Variants in RAPGEF5 observed in about 807,000 individuals in gnomAD.
The protein encoded by RAPGEF5 is M-Ras-regulated GEF.
In RAPGEF5, 65 loss-of-function variants were observed where a neutral mutation model predicts 125.2. The ratio of observed to expected loss-of-function variants is 0.52; its 90% confidence interval spans 0.43 to 0.64. The LOEUF (loss-of-function observed/expected upper bound fraction) is 0.64, where lower values mean the gene tolerates loss of function less well. Ranked by LOEUF, RAPGEF5 falls within the 30% of genes least tolerant of loss-of-function variation. The pLI is 0.00. For synonymous variants in RAPGEF5, 391 were observed against 385.9 expected, an observed-to-expected ratio of 1.01 and a Z score of -0.16; for missense variants, 958 against 1,048.1, an observed-to-expected ratio of 0.91 and a Z score of 1.19.
At chr7:22,282,986 T>C (rs531600420) in intron 6 of RAPGEF5, among the ~76,000 whole-genome samples, 2 of 151,406 alleles carry the variant, frequency 1.3e-5, no homozygotes, top group South Asian at 4.2e-4. Context: ...ATAAAAAGTA[T>C]AGAACACAAA....
chr7:22,262,612 C>CA (rs1448613531), intron 7 of RAPGEF5, among the ~76,000 whole-genome samples: 1 of 152,042 alleles, frequency 6.6e-6, no homozygotes, highest in East Asian at 1.9e-4. Flanking sequence ...CTCACATATA[C>CA]AAAAAACCCT....
chr7:22,213,793 C>T lies in RAPGEF5; in HGVS notation c.996+6073G>A, dbSNP rs562149302. ...AGTAATGTTAGAAAGTTCTACTTCT[C>T]TTTAGTAAGTAGTTTCTTGGTTAAA... On this transcript the variant is annotated intron_variant, in intron 9 of 25. Transcript: ENST00000665637. Among the ~76,000 whole-genome samples the T allele has an allele frequency of 1.2e-4, 19 of 152,306 alleles. No individual in the cohort carries two copies. The South Asian group carries it at 3.9e-3, about 32-fold the overall frequency.
At chr7:22,335,009 C>A (rs1242720233) in intron 1 of RAPGEF5, among the ~76,000 whole-genome samples, 1 of 152,180 alleles carries the variant, frequency 6.6e-6, no homozygotes, top group African/African-American at 2.4e-5. Flanking sequence ...CAGATTCAGT[C>A]CCGAATCCAG....
At chr7:22,123,011 A>G (rs1166560589) in intron 25 of RAPGEF5, among the ~76,000 whole-genome samples, 1 of 152,214 alleles carries the variant, frequency 6.6e-6, no homozygotes, top group East Asian at 1.9e-4. Flanking sequence ...TGTTGTTTAG[A>G]TTTTGTACAA....
chr7:22,172,130 G>A (rs1036788769), intron 11 of RAPGEF5, among the ~76,000 whole-genome samples: 4 of 151,732 alleles, frequency 2.6e-5, no homozygotes, highest in Non-Finnish European at 2.9e-5. Context: ...TAATTTTTGG[G>A]GGTTTTTTTT....
chr7:22,158,614 T>A (rs532009784), intron 14 of RAPGEF5, among the ~76,000 whole-genome samples: 1 of 152,142 alleles, frequency 6.6e-6, no homozygotes, highest in Non-Finnish European at 1.5e-5. Flanking sequence ...CATAATCTTA[T>A]AAAAATAGAC....
At chr7:22,219,750 A>G (rs1785733577) in intron 9 of RAPGEF5, 116 bp downstream of exon 9, 2 of 1,375,266 alleles carry the variant, frequency 1.5e-6, no homozygotes, top group African/African-American at 1.4e-5. Flanking sequence ...TGGGGGGAAA[A>G]AAACCCCCAA....
intron 1 of RAPGEF5, among the ~76,000 whole-genome samples, chr7:22,326,297 C>T (rs561669189): frequency 2.0e-5 from 3 of 152,280 alleles, no homozygotes; most frequent in East Asian, 1.9e-4. Context: ...TTCCTCTAAA[C>T]GATGTGAGAC....
chr7:22,226,742 C>T (rs748610397), intron 8 of RAPGEF5, among the ~76,000 whole-genome samples: 2 of 152,148 alleles, frequency 1.3e-5, no homozygotes, highest in African/African-American at 4.8e-5. Flanking sequence ...TAATTCCTAG[C>T]CCGTCACTGT....
chr7:22,238,922 T>C (rs770625724), intron 7 of RAPGEF5, among the ~76,000 whole-genome samples: 4 of 152,194 alleles, frequency 2.6e-5, no homozygotes, highest in Non-Finnish European at 5.9e-5. Flanking sequence ...TGTACCAATA[T>C]GTTTTAAAGA....
intron 16 of RAPGEF5, among the ~76,000 whole-genome samples, chr7:22,156,334 C>T (rs75463455): frequency 0.023 from 3,564 of 152,344 alleles, 53 homozygotes; most frequent in Middle Eastern, 0.065. Context: ...ACTGCCCACA[C>T]AGCCTGGCCT....
intron 11 of RAPGEF5, among the ~76,000 whole-genome samples, chr7:22,187,061 C>T (rs567637734): frequency 3.3e-5 from 5 of 152,294 alleles, no homozygotes; most frequent in Non-Finnish European, 5.9e-5. Context: ...CTTAATACCC[C>T]GTTAACATTC....
At chr7:22,338,775 C>T (rs75674579) in intron 1 of RAPGEF5, among the ~76,000 whole-genome samples, 33,645 of 152,176 alleles carry the variant, frequency 0.22, 4,079 homozygotes, top group South Asian at 0.28. Flanking sequence ...TGGAGGAAGA[C>T]GGTGACAGGG....
chr7:22,270,783 T>C (rs975808525), intron 6 of RAPGEF5, among the ~76,000 whole-genome samples: 2 of 152,268 alleles, frequency 1.3e-5, no homozygotes, highest in Non-Finnish European at 2.9e-5. Context: ...CAGTGAGGTC[T>C]GGGGCAGCAA....
chr7:22,220,758 G>C (rs915333014), intron 8 of RAPGEF5, among the ~76,000 whole-genome samples: 2 of 151,868 alleles, frequency 1.3e-5, no homozygotes, highest in African/African-American at 4.8e-5. Flanking sequence ...ATTATGAAGT[G>C]TTTCTGCTCA....
At chr7:22,344,233 G>GT (rs1234302521) in intron 1 of RAPGEF5, among the ~76,000 whole-genome samples, 1 of 152,046 alleles carries the variant, frequency 6.6e-6, no homozygotes. Context: ...TTCTCACCAT[G>GT]GCTACACCTC....
chr7:22,134,518 G>T (rs1000136560), intron 23 of RAPGEF5, among the ~76,000 whole-genome samples: 4 of 152,054 alleles, frequency 2.6e-5, no homozygotes, highest in Non-Finnish European at 2.9e-5. Flanking sequence ...TAAATATTTT[G>T]GGGGGGAAAC....
intron 5 of RAPGEF5, among the ~76,000 whole-genome samples, chr7:22,299,457 T>C (rs1373569964): frequency 6.6e-6 from 1 of 152,204 alleles, no homozygotes; most frequent in East Asian, 1.9e-4. Context: ...TCATAATATG[T>C]ATTACATCTA....
intron 9 of RAPGEF5, among the ~76,000 whole-genome samples, chr7:22,202,129 C>T (rs1785292380): frequency 6.6e-6 from 1 of 152,170 alleles, no homozygotes; most frequent in Non-Finnish European, 1.5e-5. Context: ...AGCTTGAAGT[C>T]TGCAGAACAA....
Sources: allele counts gnomAD v4.1 joint callset (sites outside exome capture counted in the v4.1 genomes callset), GRCh38; gene constraint gnomAD v4.1.1; transcripts MANE v1.5; gene names NCBI Gene and HGNC (gene_info 2026-07-23, HGNC 2026-07-21).